CNTNAP5: variants seen among roughly 807,000 people sequenced by gnomAD.
The protein encoded by CNTNAP5 is contactin associated protein family member 5.
A neutral mutation model predicts 150.2 loss-of-function variants in CNTNAP5; 72 were observed. The ratio of observed to expected loss-of-function variants is 0.48; its 90% confidence interval spans 0.40 to 0.58. The LOEUF (loss-of-function observed/expected upper bound fraction) is 0.58. CNTNAP5 is among the 20% of genes least tolerant of loss of function. CNTNAP5 has a pLI of 0.00. For missense variants in CNTNAP5, 1,636 were observed against 1,626.2 expected, an observed-to-expected ratio of 1.01 and a Z score of -0.10; for synonymous variants, 672 against 619.8, an observed-to-expected ratio of 1.08 and a Z score of -1.25.
chr2:124,610,318 A>AG (rs546888014), intron 12 of CNTNAP5, among the ~76,000 whole-genome samples: 8 of 152,162 alleles, frequency 5.3e-5, no homozygotes, highest in Non-Finnish European at 1.0e-4. Context: ...TCTGGCCCCA[A>AG]GGGATGCATG....
At chr2:124,757,259 G>A (rs1049673419) in intron 14 of CNTNAP5, among the ~76,000 whole-genome samples, 1 of 152,206 alleles carries the variant, frequency 6.6e-6, no homozygotes, top group Non-Finnish European at 1.5e-5. Context: ...CTCAGGGAAT[G>A]CAGGGCTGGA....
chr2:124,325,371 A>G (rs1689190986), intron 3 of CNTNAP5, among the ~76,000 whole-genome samples: 1 of 152,212 alleles, frequency 6.6e-6, no homozygotes, highest in Non-Finnish European at 1.5e-5. Context: ...ACAGACTAAG[A>G]CACAGCGTTT....
chr2:124,295,253 C>T (rs1435612677), intron 3 of CNTNAP5, among the ~76,000 whole-genome samples: 6 of 94,766 alleles, frequency 6.3e-5, no homozygotes, highest in East Asian at 3.3e-4. Flanking sequence ...CAATTTGGAT[C>T]GCTACTAACT....
chr2:124,053,717 A>G (rs190404965), intron 1 of CNTNAP5, among the ~76,000 whole-genome samples: 2 of 152,182 alleles, frequency 1.3e-5, no homozygotes, highest in Admixed American at 6.5e-5. Flanking sequence ...GTAGCTATTT[A>G]TGTTCTGTTT....
At chr2:124,827,865 A>G (rs1295709743) in intron 19 of CNTNAP5, among the ~76,000 whole-genome samples, 4 of 151,976 alleles carry the variant, frequency 2.6e-5, no homozygotes, top group African/African-American at 9.7e-5. Flanking sequence ...TTCTTCCCCC[A>G]CTTCCCTTGT....
chr2:124,733,814 A>G (rs572686823), intron 13 of CNTNAP5, among the ~76,000 whole-genome samples: 3 of 152,362 alleles, frequency 2.0e-5, no homozygotes, highest in South Asian at 4.1e-4. Context: ...CAGGCAGGAC[A>G]CAGTGAGCCC....
At chr2:124,102,559 C>G (rs17010844) in intron 1 of CNTNAP5, among the ~76,000 whole-genome samples, 4,217 of 152,218 alleles carry the variant, frequency 0.028, 202 homozygotes, top group African/African-American at 0.096. Flanking sequence ...ACAGAAGTCA[C>G]AGAGGCGGAC....
At chr2:124,412,347 T>A (rs78260101) in intron 3 of CNTNAP5, among the ~76,000 whole-genome samples, 143,677 of 146,544 alleles carry the variant, frequency 0.98, 70,501 homozygotes, top group East Asian at 1. Context: ...TAAAGCTACC[T>A]ATGACTTTCT....
intron 11 of CNTNAP5, among the ~76,000 whole-genome samples, chr2:124,597,961 C>T (rs1696871346): frequency 7.9e-6 from 1 of 125,828 alleles, no homozygotes; most frequent in Non-Finnish European, 1.7e-5. Flanking sequence ...CTGCATTCTT[C>T]ACTTAGTTCT....
chr2:124,835,326 G>C (rs1268832416), intron 19 of CNTNAP5, among the ~76,000 whole-genome samples: 1 of 151,882 alleles, frequency 6.6e-6, no homozygotes, highest in Non-Finnish European at 1.5e-5. Context: ...CAGTCCTTTG[G>C]GTCTCAATTA....
At chr2:124,880,295 G>A (rs1478498231) in intron 21 of CNTNAP5, among the ~76,000 whole-genome samples, 1 of 152,082 alleles carries the variant, frequency 6.6e-6, no homozygotes, top group Non-Finnish European at 1.5e-5. Flanking sequence ...GGGTCTTGTG[G>A]TTAATATTCT....
At chr2:124,087,120 T>C (rs1216265466) in intron 1 of CNTNAP5, among the ~76,000 whole-genome samples, 1 of 151,820 alleles carries the variant, frequency 6.6e-6, no homozygotes, top group Non-Finnish European at 1.5e-5. Flanking sequence ...TTTGGTCATA[T>C]AATTGTTTTA....
intron 10 of CNTNAP5, among the ~76,000 whole-genome samples, chr2:124,551,624 A>G (rs901732912): frequency 1.3e-5 from 2 of 152,216 alleles, no homozygotes; most frequent in South Asian, 2.1e-4. Flanking sequence ...CAAGGAAAGC[A>G]TATAGAAATT....
intron 3 of CNTNAP5, among the ~76,000 whole-genome samples, chr2:124,262,727 G>A (rs948562451): frequency 1.6e-4 from 24 of 151,240 alleles, no homozygotes; most frequent in Non-Finnish European, 2.5e-4. Flanking sequence ...GTATATATGT[G>A]CCATGTTGGT....
chr2:124,486,228 C>G, intron 7 of CNTNAP5, among the ~76,000 whole-genome samples: 1 of 152,298 alleles, frequency 6.6e-6, no homozygotes, highest in East Asian at 1.9e-4. Context: ...CAGAAGTTCT[C>G]ACTTATAAGT....
chr2:124,883,668 A>G (rs1323586824), intron 21 of CNTNAP5, among the ~76,000 whole-genome samples: 1 of 152,000 alleles, frequency 6.6e-6, no homozygotes, highest in Non-Finnish European at 1.5e-5. Flanking sequence ...GCATATGTGT[A>G]TGTTTGCATT....
At chr2:124,439,461 T>C (rs1421758922) in intron 5 of CNTNAP5, among the ~76,000 whole-genome samples, 3 of 152,164 alleles carry the variant, frequency 2.0e-5, no homozygotes, top group Non-Finnish European at 2.9e-5. Context: ...ATATAACAAA[T>C]GTATTAAGAT....
intron 13 of CNTNAP5, among the ~76,000 whole-genome samples, chr2:124,717,760 A>C (rs1373652002): frequency 6.6e-6 from 1 of 152,218 alleles, no homozygotes; most frequent in African/African-American, 2.4e-5. Context: ...AGTTAAGGGA[A>C]TTGAGGATGG....
At chr2:124,684,865 C>T (rs1679156065) in intron 13 of CNTNAP5, among the ~76,000 whole-genome samples, 1 of 152,134 alleles carries the variant, frequency 6.6e-6, no homozygotes, top group African/African-American at 2.4e-5. Flanking sequence ...AGAGGTCACA[C>T]AAGTTGTCCA....
Sources: gnomAD v4.1 joint callset for allele counts (sites outside exome capture counted in the v4.1 genomes callset) on GRCh38, gnomAD v4.1.1 for gene constraint, MANE v1.5 for transcripts, NCBI Gene and HGNC (gene_info 2026-07-23, HGNC 2026-07-21) for gene names.